The following WDR70 variants were observed in gnomAD, a reference collection of about 807,000 sequenced individuals.
The protein encoded by WDR70 is WD repeat domain 70.
In WDR70, 53 loss-of-function variants were observed where a neutral mutation model predicts 88.6. That is an observed-to-expected ratio of 0.60 (90% CI 0.48 to 0.75). The LOEUF (loss-of-function observed/expected upper bound fraction) is 0.75, where lower values mean the gene tolerates loss of function less well. Ranked by LOEUF, WDR70 falls within the 30% of genes least tolerant of loss-of-function variation. The pLI, the probability that WDR70 is intolerant of heterozygous loss-of-function variation, is 0.00. For missense variants in WDR70, 610 were observed against 823.2 expected (o/e 0.74, Z 3.17); for synonymous variants, 280 against 270.0 (o/e 1.04, Z -0.36).
chr5:37,519,250 G>A lies in WDR70; in HGVS notation c.917+2660G>A, dbSNP rs574324007. The stretch of plus-strand genomic sequence containing the variant: ...CCCAGATGGGGCACCGGGCAGAGGC[G>A]CTCCCCACTTCCCAGACGGGGTGGC... On this transcript the variant is annotated intron_variant, in intron 9 of 17. Transcript: ENST00000265107. Among the ~76,000 whole-genome samples, 12 of 152,216 alleles carry A rather than the reference G, an allele frequency of 7.9e-5. No homozygotes were observed. The South Asian group carries it at 1.0e-3, about 13-fold the overall frequency.
chr5:37,430,709 C>T (rs954595064), intron 5 of WDR70, among the ~76,000 whole-genome samples: 4 of 151,966 alleles, frequency 2.6e-5, no homozygotes, highest in Admixed American at 1.3e-4. Flanking sequence ...TACAAGCCTG[C>T]GCCACCACAC....
chr5:37,461,112 A>AT (rs997593691), intron 7 of WDR70, among the ~76,000 whole-genome samples: 11 of 88,082 alleles, frequency 1.2e-4, no homozygotes, highest in Non-Finnish European at 2.4e-4. Flanking sequence ...CCTCAAAAAA[A>AT]AAAAAAAAAA....
intron 9 of WDR70, among the ~76,000 whole-genome samples, chr5:37,586,655 G>A (rs1743372925): frequency 8.1e-6 from 1 of 123,934 alleles, no homozygotes; most frequent in African/African-American, 2.6e-5. Context: ...GTGAGAACAT[G>A]CACACACCTT....
intron 9 of WDR70, among the ~76,000 whole-genome samples, chr5:37,566,842 A>G (rs1354940857): frequency 6.6e-6 from 1 of 152,208 alleles, no homozygotes; most frequent in Non-Finnish European, 1.5e-5. Flanking sequence ...AGATTCTGTT[A>G]GTGAGGAGAT....
Position 37,538,183 on chromosome 5 carries a change from A to T in WDR70, c.917+21593A>T, listed in dbSNP as rs149464466. Among the ~76,000 whole-genome samples, 857 of 152,288 alleles carry T rather than the reference A, an allele frequency of 5.6e-3. 5 individuals carry two copies. Among genetic ancestry groups the T allele is most frequent in the African/African-American group, 0.017 (713 of 41,568 alleles). ...CATTTTAGCAGGCTCTGTTGTATTC[A>T]TAATGGTAGTATCTTCTTCTTTTTC... On this transcript the variant is annotated intron_variant, in intron 9 of 17. Coordinates refer to ENST00000265107, the MANE Select transcript of WDR70 (RefSeq NM_018034.4).
chr5:37,696,651 G>T (rs1002189745), intron 10 of WDR70, among the ~76,000 whole-genome samples: 2 of 152,192 alleles, frequency 1.3e-5, no homozygotes, highest in Non-Finnish European at 2.9e-5. Flanking sequence ...GCATGTGTGT[G>T]TGGGTACACA....
At chr5:37,649,911 G>C (rs370991112) in intron 10 of WDR70, among the ~76,000 whole-genome samples, 20 of 143,358 alleles carry the variant, frequency 1.4e-4, no homozygotes, top group African/African-American at 5.1e-4. Context: ...CTAATTTTTT[G>C]TATTTTTAGT....
intron 5 of WDR70, among the ~76,000 whole-genome samples, chr5:37,409,802 G>A (rs752465482): frequency 5.3e-5 from 8 of 151,920 alleles, no homozygotes; most frequent in South Asian, 2.1e-4. Context: ...CACCATGCCC[G>A]GCTGAGAAAC....
At chr5:37,662,996 C>T (rs1195358294) in intron 10 of WDR70, among the ~76,000 whole-genome samples, 1 of 152,144 alleles carries the variant, frequency 6.6e-6, no homozygotes, top group Non-Finnish European at 1.5e-5. Flanking sequence ...TTCCCACAAG[C>T]ACAGCACAAT....
intron 7 of WDR70, among the ~76,000 whole-genome samples, chr5:37,447,344 T>A (rs1249425851): frequency 6.6e-6 from 1 of 152,204 alleles, no homozygotes; most frequent in Non-Finnish European, 1.5e-5. Flanking sequence ...TTGGTGGGAC[T>A]GTAAACTAGT....
At chr5:37,442,646 A>C (rs1750692752) in intron 6 of WDR70, among the ~76,000 whole-genome samples, 1 of 152,222 alleles carries the variant, frequency 6.6e-6, no homozygotes, top group Non-Finnish European at 1.5e-5. Context: ...TTATGGAACC[A>C]ATATAAGTAC....
intron 8 of WDR70, 57 bp from the exon 9 acceptor site, chr5:37,516,457 A>G (rs1375257370): frequency 2.1e-5 from 21 of 1,019,400 alleles, no homozygotes; most frequent in Admixed American, 1.9e-4. Flanking sequence ...GTTTCTAGTC[A>G]GTTTATTTTT....
intron 10 of WDR70, among the ~76,000 whole-genome samples, chr5:37,695,311 A>G (rs867992674): frequency 6.6e-6 from 1 of 152,200 alleles, no homozygotes; most frequent in Non-Finnish European, 1.5e-5. Context: ...CCCACCTCCA[A>G]CATTGTGAAT....
intron 9 of WDR70, among the ~76,000 whole-genome samples, chr5:37,592,883 G>A (rs1285375111): frequency 7.2e-5 from 11 of 152,298 alleles, no homozygotes. Context: ...TGCCAGTAAC[G>A]GTGGCTTGCC....
intron 5 of WDR70, among the ~76,000 whole-genome samples, chr5:37,415,794 C>T (rs1386539911): frequency 1.3e-4 from 19 of 141,406 alleles, no homozygotes; most frequent in African/African-American, 3.6e-4. Flanking sequence ...ACTTCTCAGA[C>T]GGGGCGGCCG....
At chr5:37,540,292 C>T (rs1741779206) in intron 9 of WDR70, among the ~76,000 whole-genome samples, 1 of 152,198 alleles carries the variant, frequency 6.6e-6, no homozygotes, top group Admixed American at 6.5e-5. Context: ...CCTTGCCTTT[C>T]CACAATTTAA....
chr5:37,602,849 C>T (rs760315726), intron 9 of WDR70, among the ~76,000 whole-genome samples: 3 of 151,926 alleles, frequency 2.0e-5, no homozygotes, highest in Non-Finnish European at 2.9e-5. Flanking sequence ...TGGTGGCATG[C>T]GCCTGTAATG....
At chr5:37,420,915 A>T (rs1485237240) in intron 5 of WDR70, among the ~76,000 whole-genome samples, 1 of 152,168 alleles carries the variant, frequency 6.6e-6, no homozygotes, top group African/African-American at 2.4e-5. Flanking sequence ...CTGTCTCAAA[A>T]ACAAAAAATA....
intron 17 of WDR70, among the ~76,000 whole-genome samples, chr5:37,751,500 G>A (rs1748807685): frequency 6.6e-6 from 1 of 152,172 alleles, no homozygotes; most frequent in Non-Finnish European, 1.5e-5. Flanking sequence ...GATGGTTTAT[G>A]CTTTTTCCCC....
Sources: allele counts gnomAD v4.1 joint callset (sites outside exome capture counted in the v4.1 genomes callset), GRCh38; gene constraint gnomAD v4.1.1; transcripts MANE v1.5; gene names NCBI Gene and HGNC (gene_info 2026-07-23, HGNC 2026-07-21).